Variants in MARCHF1 observed in about 807,000 individuals in gnomAD.
The protein encoded by MARCHF1 is membrane associated ring-CH-type finger 1.
In MARCHF1, 40 loss-of-function variants were observed where a neutral mutation model predicts 54.2. The ratio of observed to expected loss-of-function variants is 0.74; its 90% CI spans 0.57 to 0.96. The LOEUF is 0.96. Among genes scored for constraint, MARCHF1 ranks in the 40% least tolerant of loss-of-function variants. MARCHF1 has a pLI of 0.00. For missense variants in MARCHF1, 586 were observed against 656.5 expected (o/e 0.89, Z 1.17); for synonymous variants, 236 against 236.3 (o/e 1.00, Z 0.01).
intron 1 of MARCHF1, among the ~76,000 whole-genome samples, chr4:164,359,885 G>A (rs1730674989): frequency 6.6e-6 from 1 of 152,068 alleles, no homozygotes; most frequent in African/African-American, 2.4e-5. Context: ...CAGAAATCTG[G>A]TTTTTAGCAG....
intron 3 of MARCHF1, among the ~76,000 whole-genome samples, chr4:163,893,402 G>A (rs1250332677): frequency 6.6e-6 from 1 of 152,142 alleles, no homozygotes; most frequent in Non-Finnish European, 1.5e-5. Flanking sequence ...GCCTCCCAAA[G>A]TGCCAGGATT....
intron 5 of MARCHF1, among the ~76,000 whole-genome samples, chr4:163,689,570 C>T (rs1744377895): frequency 6.6e-6 from 1 of 152,068 alleles, no homozygotes; most frequent in Admixed American, 6.5e-5. Flanking sequence ...AAATAGTCAC[C>T]TATGGCTAAT....
chr4:163,935,499 C>T lies in MARCHF1; in HGVS notation c.-39+53002G>A, dbSNP rs79791558. Among the ~76,000 whole-genome samples, 164 of 152,232 alleles carry T rather than the reference C, an allele frequency of 1.1e-3. 2 individuals carry two copies. The East Asian group carries it at 0.031, about 29-fold the overall frequency. On this transcript the variant is annotated intron_variant, in intron 3 of 9. Transcript: ENST00000514618. ...TTATGTTATGGAAATGGCTTCTTTCCTTAAACCGCATAAACCAGCCTCTGA... is the reference window on the plus strand; with the variant it reads ...TTATGTTATGGAAATGGCTTCTTTCTTTAAACCGCATAAACCAGCCTCTGA...
chr4:163,890,936 A>T (rs1252912204), intron 3 of MARCHF1, among the ~76,000 whole-genome samples: 8 of 152,090 alleles, frequency 5.3e-5, no homozygotes, highest in Non-Finnish European at 1.0e-4. Flanking sequence ...TGCCTAAAAA[A>T]GGCATAAATA....
chr4:163,582,302 G>A (rs896019715), intron 8 of MARCHF1, among the ~76,000 whole-genome samples: 48 of 152,074 alleles, frequency 3.2e-4, no homozygotes, highest in African/African-American at 1.1e-3. Flanking sequence ...AAAGGTAGCT[G>A]GGCTACTGAC....
chr4:163,931,941 C>T (rs1474097620), intron 3 of MARCHF1, among the ~76,000 whole-genome samples: 1 of 152,134 alleles, frequency 6.6e-6, no homozygotes, highest in Non-Finnish European at 1.5e-5. Context: ...ATTTTGAGTT[C>T]AGTTCCAGGC....
rs995672571 is a variant in MARCHF1, at chr4:164,298,564, C to A, written c.-323+85306G>T. 5.9e-5 allele frequency among the ~76,000 whole-genome samples: 9 copies of A among 152,000 alleles called. No individual in the cohort carries two copies. In the East Asian group the frequency reaches 1.5e-3, roughly 26 times the overall value. On this transcript the variant is annotated intron_variant, in intron 1 of 9. Transcript: ENST00000514618. ...CATAATGTGATGCAATACCTTTACA[C>A]GGATTTAGTTATCTTTTTAATATCA...
intron 3 of MARCHF1, among the ~76,000 whole-genome samples, chr4:163,926,894 T>TA (rs928436067): frequency 2.0e-5 from 3 of 151,000 alleles, no homozygotes; most frequent in African/African-American, 4.8e-5. Context: ...CTAGCAAAAT[T>TA]AAAAAAAACA....
chr4:164,262,793 G>C (rs1733503277), intron 1 of MARCHF1, among the ~76,000 whole-genome samples: 1 of 152,092 alleles, frequency 6.6e-6, no homozygotes, highest in Non-Finnish European at 1.5e-5. Context: ...TGACACCAAA[G>C]GGTTTGTCAC....
At chr4:164,235,012 T>C (rs1227042480) in intron 1 of MARCHF1, 1 of 152,090 alleles carries the variant, frequency 6.6e-6, no homozygotes, top group Admixed American at 6.6e-5. Flanking sequence ...CCTTTTTATG[T>C]TTTTCCCGCT....
intron 4 of MARCHF1, among the ~76,000 whole-genome samples, chr4:163,756,995 T>G (rs1375898249): frequency 3.3e-5 from 5 of 152,224 alleles, no homozygotes; most frequent in Non-Finnish European, 7.3e-5. Context: ...AGAAATGGGC[T>G]GCCCATCTTT....
chr4:163,858,241 A>G (rs1439258265), intron 3 of MARCHF1, among the ~76,000 whole-genome samples: 1 of 152,134 alleles, frequency 6.6e-6, no homozygotes, highest in African/African-American at 2.4e-5. Flanking sequence ...GATTTCTCCA[A>G]GTGAAGCTTA....
intron 3 of MARCHF1, among the ~76,000 whole-genome samples, chr4:163,894,372 T>C (rs1750728724): frequency 6.6e-6 from 1 of 151,966 alleles, no homozygotes; most frequent in Non-Finnish European, 1.5e-5. Flanking sequence ...AAATCATAGC[T>C]ACATACCCAA....
At chr4:164,133,784 G>T (rs59308319) in intron 1 of MARCHF1, among the ~76,000 whole-genome samples, 6,133 of 152,224 alleles carry the variant, frequency 0.04, 403 homozygotes, top group African/African-American at 0.14. Context: ...CCATCTACCT[G>T]CTAACTGCTA....
chr4:164,300,739 C>T (rs894581284), intron 1 of MARCHF1, among the ~76,000 whole-genome samples: 6 of 152,126 alleles, frequency 3.9e-5, no homozygotes, highest in Non-Finnish European at 7.4e-5. Flanking sequence ...CAGGGTTGTG[C>T]CATGTTGTCC....
intron 1 of MARCHF1, among the ~76,000 whole-genome samples, chr4:164,206,334 G>A (rs1289378190): frequency 6.6e-6 from 1 of 152,118 alleles, no homozygotes; most frequent in African/African-American, 2.4e-5. Context: ...CTACTCGGGA[G>A]GCTGAGGCAG....
At chr4:163,974,031 T>C (rs1008818705) in intron 3 of MARCHF1, among the ~76,000 whole-genome samples, 1 of 152,232 alleles carries the variant, frequency 6.6e-6, no homozygotes, top group Non-Finnish European at 1.5e-5. Flanking sequence ...TAAATGTGTG[T>C]TGTTGGAGAA....
At chr4:164,352,683 C>A (rs1448106612) in intron 1 of MARCHF1, among the ~76,000 whole-genome samples, 1 of 150,186 alleles carries the variant, frequency 6.7e-6, no homozygotes, top group Non-Finnish European at 1.5e-5. Flanking sequence ...ACCATCGAGG[C>A]TAGGAAGAAA....
chr4:164,335,997 T>C (rs1729730608), intron 1 of MARCHF1, among the ~76,000 whole-genome samples: 1 of 152,158 alleles, frequency 6.6e-6, no homozygotes, highest in Admixed American at 6.5e-5. Context: ...AATAAGTAGC[T>C]GTGGAAAGAA....
Sources: allele counts gnomAD v4.1 joint callset (sites outside exome capture counted in the v4.1 genomes callset), GRCh38; gene constraint gnomAD v4.1.1; transcripts MANE v1.5; gene names NCBI Gene and HGNC (gene_info 2026-07-23, HGNC 2026-07-21).